The following ANKS1B variants were observed in gnomAD, a reference collection of about 807,000 sequenced individuals.
ANKS1B encodes ankyrin repeat and sterile alpha motif domain containing 1B.
Under a neutral mutation model 148.3 loss-of-function variants are expected in ANKS1B, and 36 were observed. The observed-to-expected ratio is 0.24, with a 90% confidence interval of 0.19 to 0.32. The LOEUF is 0.32. Among genes scored for constraint, ANKS1B ranks in the 10% least tolerant of loss-of-function variants. The pLI is 1.00. For synonymous variants in ANKS1B, 542 were observed against 560.8 expected, an observed-to-expected ratio of 0.97 and a Z score of 0.47; for missense variants, 1,157 against 1,542.6, an observed-to-expected ratio of 0.75 and a Z score of 4.19.
At chr12:99,373,922 C>A (rs780679118) in intron 12 of ANKS1B, among the ~76,000 whole-genome samples, 12 of 152,062 alleles carry the variant, frequency 7.9e-5, no homozygotes, top group Non-Finnish European at 1.8e-4. Context: ...GGAAACTAAG[C>A]CAGAATGTAA....
chr12:98,763,422 T>C (rs2098438931), intron 25 of ANKS1B, among the ~76,000 whole-genome samples: 1 of 152,236 alleles, frequency 6.6e-6, no homozygotes, highest in African/African-American at 2.4e-5. Flanking sequence ...AAGATGTCTA[T>C]CTGGGGCAAG....
chr12:99,507,057 G>A (rs1430015378), intron 9 of ANKS1B, among the ~76,000 whole-genome samples: 1 of 151,928 alleles, frequency 6.6e-6, no homozygotes, highest in African/African-American at 2.4e-5. Flanking sequence ...ACAGTCTCTA[G>A]TGTCCTTTAA....
intron 12 of ANKS1B, among the ~76,000 whole-genome samples, chr12:99,307,936 G>A (rs1308566582): frequency 6.6e-6 from 1 of 152,018 alleles, no homozygotes; most frequent in Non-Finnish European, 1.5e-5. Context: ...CACTGGTTCA[G>A]TAGTCTTTTC....
chr12:99,276,657 T>C (rs951185180), intron 12 of ANKS1B, among the ~76,000 whole-genome samples: 26 of 152,212 alleles, frequency 1.7e-4, no homozygotes, highest in African/African-American at 6.3e-4. Context: ...ACCCAGTCTG[T>C]GATATTTTGT....
chr12:98,853,995 T>A (rs568474203), intron 17 of ANKS1B, among the ~76,000 whole-genome samples: 1 of 152,284 alleles, frequency 6.6e-6, no homozygotes, highest in Non-Finnish European at 1.5e-5. Flanking sequence ...GAGCCGTGGA[T>A]TGGCTCACAT....
At chr12:99,700,658 A>T (rs2054658080) in intron 8 of ANKS1B, among the ~76,000 whole-genome samples, 1 of 152,088 alleles carries the variant, frequency 6.6e-6, no homozygotes, top group South Asian at 2.1e-4. Context: ...TCCTTAGCAT[A>T]TCCCAATTGC....
At chr12:99,917,213 G>C (rs1159659191) in intron 1 of ANKS1B, among the ~76,000 whole-genome samples, 1 of 152,214 alleles carries the variant, frequency 6.6e-6, no homozygotes, top group Non-Finnish European at 1.5e-5. Flanking sequence ...AAGGAGGTCT[G>C]AGAAGGAGGC....
chr12:99,619,963 C>G (rs1265933699), intron 9 of ANKS1B, among the ~76,000 whole-genome samples: 2 of 152,168 alleles, frequency 1.3e-5, no homozygotes, highest in Non-Finnish European at 2.9e-5. Context: ...CACACATTCA[C>G]CCATTGCCTA....
rs546448963 is a variant in ANKS1B, at chr12:99,604,512, G to A, written c.1272+50555C>T. 5.3e-5 allele frequency among the ~76,000 whole-genome samples: 8 copies of A among 152,074 alleles called. No individual in the cohort carries two copies. The East Asian group carries it at 1.5e-3, about 29-fold the overall frequency. On this transcript the variant is annotated intron_variant, in intron 9 of 26. Coordinates refer to ENST00000683438, the MANE Select transcript of ANKS1B (RefSeq NM_001352186.2). ...ATCTTGGATATTTATTAATCAAAAT[G>A]ACAATAAAAAATGTTTAAGAGGCTG...
chr12:99,948,120 C>T (rs1169187135), intron 1 of ANKS1B, among the ~76,000 whole-genome samples: 5 of 152,092 alleles, frequency 3.3e-5, no homozygotes, highest in Non-Finnish European at 2.9e-5. Flanking sequence ...ATGGAAGTAA[C>T]AGCCATCATA....
rs942962454 is a variant in ANKS1B at position 98,904,086 on chromosome 12, A to T, written c.2779-71950T>A. Among the ~76,000 whole-genome samples, 9 of 151,838 alleles carry T rather than the reference A, an allele frequency of 5.9e-5. No homozygotes were observed. The East Asian group carries it at 1.7e-3, about 29-fold the overall frequency. On this transcript the variant is annotated intron_variant, in intron 17 of 26. Coordinates refer to ENST00000683438, the MANE Select transcript of ANKS1B (RefSeq NM_001352186.2). Reference sequence around the variant, plus strand: ...TATTTTTGAAATAATTTAATAAATTAAATTAATAAAAATTAATATCTAATG... The same window carrying T: ...TATTTTTGAAATAATTTAATAAATTTAATTAATAAAAATTAATATCTAATG...
intron 22 of ANKS1B, among the ~76,000 whole-genome samples, chr12:98,788,417 C>T (rs1434837562): frequency 6.6e-6 from 1 of 152,164 alleles, no homozygotes; most frequent in Non-Finnish European, 1.5e-5. Flanking sequence ...TGGGAAGTTT[C>T]CCCCTCTAGA....
At chr12:99,805,263 C>CAAAAGAAAAAAAAAAAAAAAA (rs2067457740) in intron 4 of ANKS1B, among the ~76,000 whole-genome samples, 1 of 28,908 alleles carries the variant, frequency 3.5e-5, no homozygotes, top group African/African-American at 1.5e-4. Flanking sequence ...GAGGAAAAGG[C>CAAAAGAAAAAAAAAAAAAAAA]AAAAAAAAAA....
chr12:99,902,336 A>T (rs1305524110), intron 1 of ANKS1B, among the ~76,000 whole-genome samples: 1 of 152,206 alleles, frequency 6.6e-6, no homozygotes, highest in Non-Finnish European at 1.5e-5. Context: ...TAGATAACTG[A>T]AGCATGGCAA....
chr12:99,609,713 G>A (rs566353629), intron 9 of ANKS1B, among the ~76,000 whole-genome samples: 8 of 151,946 alleles, frequency 5.3e-5, no homozygotes, highest in East Asian at 3.9e-4. Context: ...ATGTAAAAAC[G>A]AGACAAACAG....
intron 9 of ANKS1B, chr12:99,648,613 T>A (rs886194477): frequency 6.2e-7 from 1 of 1,613,984 alleles, no homozygotes; most frequent in Non-Finnish European, 8.5e-7. Context: ...CACGGGCCGC[T>A]CTTTTTATCT....
chr12:99,677,850 G>A (rs12322398), intron 8 of ANKS1B, among the ~76,000 whole-genome samples: 1,534 of 152,274 alleles, frequency 0.01, 33 homozygotes, highest in African/African-American at 0.035. Flanking sequence ...GCACGCGCCT[G>A]TAGTCCCAGC....
At chr12:99,183,184 G>C (rs758777202) in intron 14 of ANKS1B, among the ~76,000 whole-genome samples, 2 of 152,148 alleles carry the variant, frequency 1.3e-5, no homozygotes, top group Non-Finnish European at 2.9e-5. Context: ...AGACACTGAT[G>C]ACATGATGAC....
intron 12 of ANKS1B, among the ~76,000 whole-genome samples, chr12:99,318,670 T>C (rs2084645016): frequency 2.0e-5 from 3 of 152,190 alleles, no homozygotes; most frequent in Admixed American, 6.5e-5. Context: ...CTCTATCTCC[T>C]TCAGTTCTTC....
Sources: allele counts gnomAD v4.1 joint callset (sites outside exome capture counted in the v4.1 genomes callset), GRCh38; gene constraint gnomAD v4.1.1; transcripts MANE v1.5; gene names NCBI Gene and HGNC (gene_info 2026-07-23, HGNC 2026-07-21).